The following NKAIN2 variants were observed in gnomAD, a reference collection of about 807,000 sequenced individuals.
The protein encoded by NKAIN2 is sodium/potassium-transporting ATPase subunit beta-1-interacting protein 2.
Under a neutral mutation model 32.6 loss-of-function variants are expected in NKAIN2, and 14 were observed. That is an observed-to-expected ratio of 0.43 (90% CI 0.28 to 0.67). The LOEUF is 0.67. Ranked by LOEUF, NKAIN2 falls within the 30% of genes least tolerant of loss-of-function variation. The probability of loss-of-function intolerance (pLI) is 0.17; values close to 1 mark genes in which losing one functional copy is unlikely to be tolerated. For missense variants in NKAIN2, 198 were observed against 258.3 expected (o/e 0.77, Z 1.60); for synonymous variants, 80 against 87.2 (o/e 0.92, Z 0.46).
chr6:124,524,294 C>T (rs1779230454), intron 3 of NKAIN2, among the ~76,000 whole-genome samples: 2 of 152,108 alleles, frequency 1.3e-5, no homozygotes, highest in East Asian at 3.9e-4. Context: ...TAAAAATAGT[C>T]CTTTCCTCAT....
At chr6:124,245,328 GA>G (rs1793338917) in intron 1 of NKAIN2, among the ~76,000 whole-genome samples, 1 of 152,014 alleles carries the variant, frequency 6.6e-6, no homozygotes, top group African/African-American at 2.4e-5. Flanking sequence ...AATATTTAAA[GA>G]ATCCTACTCT....
chr6:124,582,288 A>C (rs950552539), intron 3 of NKAIN2, among the ~76,000 whole-genome samples: 11 of 152,166 alleles, frequency 7.2e-5, no homozygotes, highest in Non-Finnish European at 1.5e-4. Flanking sequence ...TTTTTGTGAT[A>C]TTAGTTGTAA....
chr6:124,227,826 G>C (rs1399467535), intron 1 of NKAIN2, among the ~76,000 whole-genome samples: 1 of 152,050 alleles, frequency 6.6e-6, no homozygotes, highest in Non-Finnish European at 1.5e-5. Flanking sequence ...GTATTCCTTT[G>C]GTGAAGGGAG....
At chr6:124,491,830 T>C (rs78605096) in intron 3 of NKAIN2, among the ~76,000 whole-genome samples, 2,160 of 152,006 alleles carry the variant, frequency 0.014, 58 homozygotes, top group African/African-American at 0.049. Context: ...GTGTTGAATA[T>C]TTTAATTGGT....
At chr6:124,608,219 T>A (rs576046385) in intron 3 of NKAIN2, among the ~76,000 whole-genome samples, 5 of 152,278 alleles carry the variant, frequency 3.3e-5, no homozygotes, top group African/African-American at 1.2e-4. Context: ...CCATGTTGTT[T>A]GTTTTTCTTC....
intron 4 of NKAIN2, among the ~76,000 whole-genome samples, chr6:124,768,424 A>G (rs978955674): frequency 2.0e-5 from 3 of 152,180 alleles, no homozygotes; most frequent in African/African-American, 7.2e-5. Flanking sequence ...ACAGCAAAAC[A>G]TCAATCTAAT....
At chr6:124,647,489 ACT>A (rs1237276308) in intron 3 of NKAIN2, among the ~76,000 whole-genome samples, 8 of 100,272 alleles carry the variant, frequency 8.0e-5, no homozygotes, top group Admixed American at 2.7e-4. Flanking sequence ...ACAGAGCGAG[ACT>A]CTGTCAAAAA....
intron 1 of NKAIN2, among the ~76,000 whole-genome samples, chr6:123,938,229 G>A (rs1321306475): frequency 1.3e-5 from 2 of 151,294 alleles, no homozygotes; most frequent in Admixed American, 6.6e-5. Context: ...ATTTTAAAAA[G>A]GGAAGGGCAG....
At chr6:124,197,437 A>G (rs1470820533) in intron 1 of NKAIN2, among the ~76,000 whole-genome samples, 1 of 152,118 alleles carries the variant, frequency 6.6e-6, no homozygotes. Flanking sequence ...TTGTATTATG[A>G]CTACAACTTT....
intron 1 of NKAIN2, among the ~76,000 whole-genome samples, chr6:123,866,592 G>T (rs910945619): frequency 1.3e-5 from 2 of 151,932 alleles, no homozygotes; most frequent in African/African-American, 2.4e-5. Flanking sequence ...CACCAAGCCC[G>T]GCCAATTTTT....
intron 1 of NKAIN2, among the ~76,000 whole-genome samples, chr6:123,932,036 A>G (rs1776273411): frequency 6.6e-6 from 1 of 152,190 alleles, no homozygotes; most frequent in African/African-American, 2.4e-5. Flanking sequence ...GGCATACAAC[A>G]GTATTCTACT....
At chr6:124,354,765 A>G (rs1454655527) in intron 2 of NKAIN2, among the ~76,000 whole-genome samples, 1 of 151,612 alleles carries the variant, frequency 6.6e-6, no homozygotes, top group Non-Finnish European at 1.5e-5. Context: ...AATGTGGATT[A>G]CTATTTTTTT....
At chr6:124,408,055 C>T (rs1359966740) in intron 3 of NKAIN2, among the ~76,000 whole-genome samples, 1 of 151,860 alleles carries the variant, frequency 6.6e-6, no homozygotes, top group Non-Finnish European at 1.5e-5. Context: ...TTGTTTTTTT[C>T]TTGTAAATTT....
intron 1 of NKAIN2, among the ~76,000 whole-genome samples, chr6:124,208,784 A>G (rs1791026317): frequency 1.3e-5 from 2 of 150,510 alleles, no homozygotes; most frequent in South Asian, 4.2e-4. Context: ...TTATTTAATT[A>G]TTTTGTTTTT....
intron 1 of NKAIN2, among the ~76,000 whole-genome samples, chr6:123,926,840 C>T (rs1776028115): frequency 6.6e-6 from 1 of 152,192 alleles, no homozygotes; most frequent in African/African-American, 2.4e-5. Context: ...TAAAGTCCTT[C>T]ATAACCTGAC....
intron 1 of NKAIN2, among the ~76,000 whole-genome samples, chr6:124,253,059 T>G (rs917369469): frequency 6.6e-6 from 1 of 152,186 alleles, no homozygotes; most frequent in Non-Finnish European, 1.5e-5. Flanking sequence ...TGGATTGGTT[T>G]CACACTGAAT....
In NKAIN2 at chr6:124,092,155, A is replaced by G. The variant is rs969671505; in HGVS notation, c.55-190850A>G. Among the ~76,000 whole-genome samples the G allele has an allele frequency of 1.4e-4, 22 of 152,102 alleles. 1 individual carries two copies. The highest frequency in any genetic ancestry group is 6.6e-4 in the Admixed American group (10 of 15,248). ...GCTTTCTATTTTGTTTTCCTATCAT[A>G]CACAGCACCAAGTGCATCCAATGCA... On this transcript the variant is annotated intron_variant, in intron 1 of 6. Transcript: ENST00000368417.
intron 1 of NKAIN2, among the ~76,000 whole-genome samples, chr6:124,227,555 T>G (rs977405104): frequency 2.6e-5 from 4 of 152,188 alleles, no homozygotes; most frequent in African/African-American, 7.2e-5. Flanking sequence ...CATTTCAATG[T>G]TATAATTTTA....
intron 4 of NKAIN2, among the ~76,000 whole-genome samples, chr6:124,672,947 G>T (rs2114479503): frequency 6.6e-6 from 1 of 152,104 alleles, no homozygotes; most frequent in African/African-American, 2.4e-5. Context: ...CCAAGACACT[G>T]CTGCTGACTG....
Sources: allele counts gnomAD v4.1 joint callset (sites outside exome capture counted in the v4.1 genomes callset), GRCh38; gene constraint gnomAD v4.1.1; transcripts MANE v1.5; gene names NCBI Gene and HGNC (gene_info 2026-07-23, HGNC 2026-07-21).